Variants in LDAF1 observed in about 807,000 individuals in gnomAD.
The protein encoded by LDAF1 is PROMETHIN.
In LDAF1, 7 loss-of-function variants were observed where a neutral mutation model predicts 13.5. The observed-to-expected ratio is 0.52, with a 90% CI of 0.29 to 0.97. The LOEUF is 0.97. Among genes scored for constraint, LDAF1 ranks in the 50% least tolerant of loss-of-function variants. The pLI, the probability that LDAF1 is intolerant of heterozygous loss-of-function variation, is 0.07. For synonymous variants in LDAF1, 69 were observed against 77.1 expected (o/e 0.89, Z 0.55); for missense variants, 148 against 193.2 (o/e 0.77, Z 1.39).
chr16:21,159,206 G>C, intron 1 of LDAF1: 1 of 968,930 alleles, frequency 1.0e-6, no homozygotes, highest in Non-Finnish European at 1.7e-6. Flanking sequence ...GCTGCAGAGA[G>C]ATCTGCAAGT....
At chr16:21,167,692 G>GTTTTTTTTTTTTTTTTTT in intron 2 of LDAF1, among the ~76,000 whole-genome samples, 1 of 8,986 alleles carries the variant, frequency 1.1e-4, no homozygotes, top group Non-Finnish European at 2.2e-4. Flanking sequence ...AAGACCTTAG[G>GTTTTTTTTTTTTTTTTTT]TTTGTTTTTT....
intron 4 of LDAF1, chr16:21,178,379 CTTCT>C (rs1175338889): frequency 4.7e-5 from 46 of 985,200 alleles, no homozygotes; most frequent in Non-Finnish European, 5.4e-5. Flanking sequence ...AAAGGAAAGG[CTTCT>C]TTCTTAGTTT....
At chr16:21,164,976 C>T (rs1385755220) in intron 2 of LDAF1, among the ~76,000 whole-genome samples, 1 of 152,174 alleles carries the variant, frequency 6.6e-6, no homozygotes, top group Non-Finnish European at 1.5e-5. Flanking sequence ...TGCCCAGCAC[C>T]TGAGTGTTTA....
At chr16:21,176,275 C>A (rs1311073435) in intron 4 of LDAF1, among the ~76,000 whole-genome samples, 1 of 152,162 alleles carries the variant, frequency 6.6e-6, no homozygotes. Flanking sequence ...TGCTGCCAAC[C>A]AATTGTTTCC....
At chr16:21,172,806 C>T (rs753000466) in intron 3 of LDAF1, 17 of 985,186 alleles carry the variant, frequency 1.7e-5, no homozygotes, top group East Asian at 2.3e-4. Context: ...TAAAATTTTG[C>T]GAATCTTTAT....
At chr16:21,163,854 T>TTTTGTTTG (rs61325034) in intron 2 of LDAF1, among the ~76,000 whole-genome samples, 4 of 151,252 alleles carry the variant, frequency 2.6e-5, no homozygotes, top group African/African-American at 7.3e-5. Flanking sequence ...CACCTGCCTT[T>TTTTGTTTG]TTTGTTTGTT....
At chr16:21,168,630 G>T in intron 2 of LDAF1, among the ~76,000 whole-genome samples, 1 of 136,246 alleles carries the variant, frequency 7.3e-6, no homozygotes, top group East Asian at 2.1e-4. Context: ...ACTAATATTA[G>T]TATAATATAT....
At chr16:21,177,616 ATTCT>A (rs2093150635) in intron 4 of LDAF1, among the ~76,000 whole-genome samples, 1 of 133,434 alleles carries the variant, frequency 7.5e-6, no homozygotes, top group African/African-American at 2.9e-5. Flanking sequence ...GCATTAGCGA[ATTCT>A]TTTTTTTTTT....
Position 21,163,154 on chromosome 16 carries a change from A to C in LDAF1, c.96+1876A>C, listed in dbSNP as rs567779920. ...GGTTAGGAACGCTAGAGAACACTTC[A>C]GCACTACACTTGGGGACCATTTTCA... On this transcript the variant is annotated intron_variant, in intron 2 of 4. Coordinates refer to ENST00000233047, the MANE Select transcript of LDAF1 (RefSeq NM_001301771.2). Among the ~76,000 whole-genome samples, 28 of 152,344 alleles carry C rather than the reference A, an allele frequency of 1.8e-4. No individual in the cohort carries two copies. The South Asian group carries it at 3.5e-3, about 19-fold the overall frequency.
At chr16:21,159,391 C>T in intron 1 of LDAF1, 7 of 1,614,132 alleles carry the variant, frequency 4.3e-6, no homozygotes, top group Non-Finnish European at 5.9e-6. Context: ...AGGCTGGGCC[C>T]GGATGGGGAG....
intron 2 of LDAF1, among the ~76,000 whole-genome samples, chr16:21,167,584 C>T (rs1049270522): frequency 2.0e-5 from 3 of 151,928 alleles, no homozygotes; most frequent in Non-Finnish European, 2.9e-5. Context: ...TTGCATTAGT[C>T]ACAGGCTGTG....
Position 21,179,668 on chromosome 16 carries a change from CCT to C in LDAF1, c.*116_*117del. ...GTAGGCAAGCACTCCTTGGCTGTGTCCTCTCGCTTTTTCACTTACTTGTAGGA... is the reference window on the plus strand; with the variant it reads ...GTAGGCAAGCACTCCTTGGCTGTGTCCTCGCTTTTTCACTTACTTGTAGGA... On this transcript the variant is annotated 3_prime_UTR_variant, in exon 5 of 5. Coordinates refer to ENST00000233047, the MANE Select transcript of LDAF1 (RefSeq NM_001301771.2). 1.1e-6 allele frequency: 1 copy of C among 888,268 alleles called. No homozygotes were observed. Among genetic ancestry groups the C allele is most frequent in the Admixed American group, 2.7e-5 (1 of 36,968 alleles). The allele number at this position is 888,268 out of a possible 1,614,324, so 55.0% of individuals were successfully genotyped here.
intron 4 of LDAF1, chr16:21,179,218 C>A: frequency 2.9e-6 from 1 of 350,148 alleles, no homozygotes; most frequent in Non-Finnish European, 4.0e-6. Context: ...GTTGTGAGGA[C>A]ACAGATAATT....
intron 2 of LDAF1, among the ~76,000 whole-genome samples, chr16:21,168,751 ATAT>A (rs1338699105): frequency 1.5e-5 from 2 of 132,828 alleles, no homozygotes; most frequent in African/African-American, 2.9e-5. Flanking sequence ...TTTATTTTAT[ATAT>A]TATAATTATA....
chr16:21,179,708 C>A lies in LDAF1; in HGVS notation c.*152C>A. ...CTTACTTGTAGGATCCCGCAGCAGC[C>A]AATTTAGGGATTGTGTTGTTCTTGT... is the stretch of plus-strand genomic sequence containing the variant. On this transcript the variant is annotated 3_prime_UTR_variant, in exon 5 of 5. Coordinates refer to ENST00000233047, the MANE Select transcript of LDAF1 (RefSeq NM_001301771.2). The A allele has an allele frequency of 1.6e-6, 1 of 619,844 alleles. No homozygotes were observed. Among genetic ancestry groups the A allele is most frequent in the Non-Finnish European group, 2.8e-6 (1 of 358,614 alleles). The allele number at this position is 619,844 out of a possible 1,614,324, so 38.4% of individuals were successfully genotyped here. A position where few individuals can be genotyped will look rare whatever the true frequency, so the allele number is the denominator to read the frequency against.
chr16:21,173,901 C>T, intron 3 of LDAF1, 109 bp from the exon 4 acceptor site: 1 of 1,159,988 alleles, frequency 8.6e-7, no homozygotes, highest in Non-Finnish European at 1.2e-6. Context: ...AATCTTCTTA[C>T]TTTAATAATC....
intron 2 of LDAF1, among the ~76,000 whole-genome samples, chr16:21,169,915 C>CTTT (rs11439771): frequency 2.1e-5 from 3 of 140,914 alleles, no homozygotes; most frequent in Non-Finnish European, 4.6e-5. Context: ...GTTGTAGTGA[C>CTTT]TTTTTTTTTT....
chr16:21,173,588 C>T (rs2093110170), intron 3 of LDAF1, among the ~76,000 whole-genome samples: 2 of 152,148 alleles, frequency 1.3e-5, no homozygotes, highest in Admixed American at 1.3e-4. Context: ...GTGGCAGGCA[C>T]CTGTAATCTC....
chr16:21,170,151 C>A, intron 2 of LDAF1: 1 of 200,756 alleles, frequency 5.0e-6, no homozygotes, highest in Non-Finnish European at 8.9e-6. Flanking sequence ...TACAGGCACA[C>A]ACCACCGTGC....
Sources: gnomAD v4.1 joint callset for allele counts (sites outside exome capture counted in the v4.1 genomes callset) on GRCh38, gnomAD v4.1.1 for gene constraint, MANE v1.5 for transcripts, NCBI Gene and HGNC (gene_info 2026-07-23, HGNC 2026-07-21) for gene names.